ATP6V1C2: variants seen among roughly 807,000 people sequenced by gnomAD.
ATP6V1C2 encodes the protein ATPase H+ transporting V1 subunit C2.
ATP6V1C2 carries 45 observed loss-of-function variants against 56.8 expected under a neutral mutation model. That is an observed-to-expected ratio of 0.79 (90% CI 0.62 to 1.02). The LOEUF is 1.02. Among genes scored for constraint, ATP6V1C2 ranks in the 50% least tolerant of loss-of-function variants. The pLI, the probability that ATP6V1C2 is intolerant of heterozygous loss-of-function variation, is 0.00. For synonymous variants in ATP6V1C2, 220 were observed against 201.3 expected (o/e 1.09, Z -0.79); for missense variants, 463 against 519.7 (o/e 0.89, Z 1.06).
intron 2 of ATP6V1C2, among the ~76,000 whole-genome samples, chr2:10,724,046 G>A (rs1283669960): frequency 6.6e-6 from 1 of 151,622 alleles, no homozygotes; most frequent in Admixed American, 6.6e-5. Flanking sequence ...ACAGGAGTGA[G>A]CCACCACGCC....
At chr2:10,755,645 T>C (rs1405946936) in intron 4 of ATP6V1C2, among the ~76,000 whole-genome samples, 1 of 152,164 alleles carries the variant, frequency 6.6e-6, no homozygotes, top group Non-Finnish European at 1.5e-5. Flanking sequence ...TCCTACTGTT[T>C]GCCCCTCCAC....
chr2:10,727,131 C>T (rs997142352), intron 3 of ATP6V1C2, among the ~76,000 whole-genome samples: 1 of 141,330 alleles, frequency 7.1e-6, no homozygotes, highest in African/African-American at 2.6e-5. Context: ...GTACAATGGT[C>T]TGATCGTGGC....
intron 13 of ATP6V1C2, 90 bp from the exon 14 acceptor site, chr2:10,783,084 C>T: frequency 1.0e-6 from 1 of 957,926 alleles, no homozygotes; most frequent in East Asian, 2.4e-5. Context: ...AGAACGTACG[C>T]TCAGTGCCTG....
intron 10 of ATP6V1C2, among the ~76,000 whole-genome samples, chr2:10,777,161 A>G (rs567825340): frequency 8.1e-4 from 124 of 152,334 alleles, no homozygotes; most frequent in Non-Finnish European, 5.1e-4. Flanking sequence ...TGCACTCTGC[A>G]TGCCGAGGTG....
At chr2:10,757,291 G>A in intron 4 of ATP6V1C2, 1 of 379,760 alleles carries the variant, frequency 2.6e-6, no homozygotes, top group Non-Finnish European at 4.7e-6. Flanking sequence ...AGGATTACAG[G>A]CGTGAGCCAC....
At chr2:10,776,578 C>A (rs563786955) in intron 10 of ATP6V1C2, among the ~76,000 whole-genome samples, 51 of 152,354 alleles carry the variant, frequency 3.3e-4, no homozygotes, top group Non-Finnish European at 6.2e-4. Flanking sequence ...TACCTGGGCA[C>A]GCCCTGGCTG....
At chr2:10,727,409 A>G (rs1467069517) in intron 3 of ATP6V1C2, among the ~76,000 whole-genome samples, 1 of 146,872 alleles carries the variant, frequency 6.8e-6, no homozygotes. Flanking sequence ...AAAAAAAAAT[A>G]GCTAGATGTG....
intron 4 of ATP6V1C2, among the ~76,000 whole-genome samples, chr2:10,759,283 A>C (rs1270532641): frequency 6.6e-6 from 1 of 152,220 alleles, no homozygotes; most frequent in Non-Finnish European, 1.5e-5. Flanking sequence ...GGGAGCAGGA[A>C]GGACACAGAC....
Position 10,738,597 on chromosome 2 carries a change from G to T in ATP6V1C2, c.197+12028G>T, listed in dbSNP as rs982562817. ...GCCTTTTTCACTTAACACCGTGTTG[G>T]TGCTCATCGCAGCCCCAGTAAATGG... On this transcript the variant is annotated intron_variant, in intron 3 of 13. Coordinates refer to ENST00000272238, the MANE Select transcript of ATP6V1C2 (RefSeq NM_001039362.2). 6.6e-5 allele frequency among the ~76,000 whole-genome samples: 10 copies of T among 152,136 alleles called. 1 individual carries two copies. Among genetic ancestry groups the T allele is most frequent in the African/African-American group, 1.9e-4 (8 of 41,412 alleles).
intron 3 of ATP6V1C2, among the ~76,000 whole-genome samples, chr2:10,745,653 G>A (rs1257004240): frequency 6.6e-6 from 1 of 151,922 alleles, no homozygotes; most frequent in African/African-American, 2.4e-5. Context: ...CCATTTTTAA[G>A]TGTACAGTTC....
intron 3 of ATP6V1C2, among the ~76,000 whole-genome samples, chr2:10,742,884 A>C (rs550242521): frequency 3.0e-4 from 46 of 152,028 alleles, no homozygotes; most frequent in Middle Eastern, 3.4e-3. Context: ...CTGATCCCCC[A>C]CCGCAGCTTG....
At chr2:10,752,748 C>A (rs1226036214) in intron 3 of ATP6V1C2, among the ~76,000 whole-genome samples, 1 of 152,190 alleles carries the variant, frequency 6.6e-6, no homozygotes, top group Non-Finnish European at 1.5e-5. Flanking sequence ...GTAATCCCAG[C>A]ACTTTGGGAG....
At chr2:10,721,451 G>A (rs1661349062), upstream of ATP6V1C2, among the ~76,000 whole-genome samples, 1 of 152,128 alleles carries the variant, frequency 6.6e-6, no homozygotes, top group Non-Finnish European at 1.5e-5. Context: ...GCGCGTAGGG[G>A]ACTGGAGACC....
At chr2:10,754,409 A>G (rs925657918) in intron 4 of ATP6V1C2, among the ~76,000 whole-genome samples, 1 of 151,664 alleles carries the variant, frequency 6.6e-6, no homozygotes, top group Non-Finnish European at 1.5e-5. Flanking sequence ...TATTTTTAGT[A>G]GAGATGGAGT....
At chr2:10,778,968 C>T (rs1487777075) in intron 12 of ATP6V1C2, among the ~76,000 whole-genome samples, 1 of 152,206 alleles carries the variant, frequency 6.6e-6, no homozygotes, top group Non-Finnish European at 1.5e-5. Flanking sequence ...TCCCCACCCT[C>T]GTGAAGCCCG....
chr2:10,774,917 G>T (rs578166941), intron 9 of ATP6V1C2, 37 bp downstream of exon 9: 68 of 1,610,368 alleles, frequency 4.2e-5, no homozygotes, highest in Non-Finnish European at 5.4e-5. Context: ...CTCCCGCTGC[G>T]GGGGGTCTCT....
intron 3 of ATP6V1C2, among the ~76,000 whole-genome samples, chr2:10,742,460 C>A (rs1281859689): frequency 6.6e-6 from 1 of 152,160 alleles, no homozygotes; most frequent in African/African-American, 2.4e-5. Flanking sequence ...CTTAAGGCTA[C>A]ATAAGAATCT....
chr2:10,773,058 G>C (rs1035242782), intron 8 of ATP6V1C2, among the ~76,000 whole-genome samples: 1 of 152,240 alleles, frequency 6.6e-6, no homozygotes. Flanking sequence ...AGTGGGTCCT[G>C]TCACAGTGAC....
In ATP6V1C2 at chr2:10,782,735, G is replaced by A. The variant is rs188430193; in HGVS notation, c.1194+360G>A. Among the ~76,000 whole-genome samples, 351 of 150,186 alleles carry A rather than the reference G, an allele frequency of 2.3e-3. 5 individuals carry two copies. The highest frequency in any genetic ancestry group is 5.6e-3 in the Admixed American group (84 of 14,908). ...AGTCTCAGCTACTTGGGAGGTTGAG[G>A]CAGGAGAATCGCTTGAACCTGGGAG... is the stretch of plus-strand genomic sequence containing the variant. On this transcript the variant is annotated intron_variant, in intron 13 of 13. Transcript: ENST00000272238.
Sources: gnomAD v4.1 joint callset for allele counts (sites outside exome capture counted in the v4.1 genomes callset) on GRCh38, gnomAD v4.1.1 for gene constraint, MANE v1.5 for transcripts, NCBI Gene and HGNC (gene_info 2026-07-23, HGNC 2026-07-21) for gene names.